The following ADGRB3 variants were observed in gnomAD, a reference collection of about 807,000 sequenced individuals.
The protein encoded by ADGRB3 is adhesion G protein-coupled receptor B3.
Under a neutral mutation model 193.4 loss-of-function variants are expected in ADGRB3, and 37 were observed. The ratio of observed to expected loss-of-function variants is 0.19; its 90% CI spans 0.15 to 0.25. ADGRB3 has a LOEUF of 0.25. ADGRB3 is among the 10% of genes least tolerant of loss of function. The pLI, the probability that ADGRB3 is intolerant of heterozygous loss-of-function variation, is 1.00. For missense variants in ADGRB3, 1,637 were observed against 1,852.9 expected, an observed-to-expected ratio of 0.88 and a Z score of 2.14; for synonymous variants, 690 against 644.2, an observed-to-expected ratio of 1.07 and a Z score of -1.08.
intron 8 of ADGRB3, among the ~76,000 whole-genome samples, chr6:68,972,501 TC>T (rs1768606649): frequency 6.6e-6 from 1 of 152,178 alleles, no homozygotes; most frequent in South Asian, 2.1e-4. Context: ...TCCTCTGGAT[TC>T]AATATGTAAT....
chr6:69,297,584 T>A (rs1170531849), intron 20 of ADGRB3, among the ~76,000 whole-genome samples: 1 of 151,910 alleles, frequency 6.6e-6, no homozygotes, highest in East Asian at 1.9e-4. Context: ...ATATTGGTTG[T>A]CAAAGGTCTT....
chr6:69,151,208 A>T (rs1774670151), intron 17 of ADGRB3, among the ~76,000 whole-genome samples: 1 of 152,104 alleles, frequency 6.6e-6, no homozygotes. Flanking sequence ...GTGACCTAGA[A>T]TGCCTTTCAA....
intron 3 of ADGRB3, among the ~76,000 whole-genome samples, chr6:68,794,525 C>A (rs1048247919): frequency 6.6e-6 from 1 of 152,032 alleles, no homozygotes; most frequent in Non-Finnish European, 1.5e-5. Context: ...ATATTATATA[C>A]CACTTTATAT....
intron 3 of ADGRB3, among the ~76,000 whole-genome samples, chr6:68,830,089 A>G (rs1242867598): frequency 6.6e-6 from 1 of 152,216 alleles, no homozygotes; most frequent in Non-Finnish European, 1.5e-5. Context: ...CACTTTCAAA[A>G]AAATAGTGGT....
intron 20 of ADGRB3, among the ~76,000 whole-genome samples, chr6:69,284,868 G>T (rs934616872): frequency 2.0e-5 from 3 of 151,590 alleles, no homozygotes; most frequent in African/African-American, 7.3e-5. Flanking sequence ...CAGAAAAACA[G>T]CAGGGAAGAT....
intron 3 of ADGRB3, among the ~76,000 whole-genome samples, chr6:68,876,812 G>A (rs1032979838): frequency 2.0e-5 from 3 of 151,890 alleles, no homozygotes; most frequent in Non-Finnish European, 4.4e-5. Context: ...TTTACAAACT[G>A]TTATGTATTT....
intron 3 of ADGRB3, among the ~76,000 whole-genome samples, chr6:68,879,570 A>G (rs1379824024): frequency 1.3e-5 from 2 of 149,796 alleles, no homozygotes; most frequent in African/African-American, 2.4e-5. Context: ...TTTTCCCCCA[A>G]CTGGTAGCAA....
chr6:68,902,630 AT>A (rs1443385271), intron 3 of ADGRB3, among the ~76,000 whole-genome samples: 2 of 152,124 alleles, frequency 1.3e-5, no homozygotes, highest in Admixed American at 6.5e-5. Flanking sequence ...GAAAAAGGCC[AT>A]AAAAAAGCCA....
intron 3 of ADGRB3, among the ~76,000 whole-genome samples, chr6:68,760,721 A>T (rs1766381397): frequency 6.6e-6 from 1 of 152,184 alleles, no homozygotes; most frequent in South Asian, 2.1e-4. Flanking sequence ...AGCTAGAGAA[A>T]ATCATGCCAT....
chr6:68,948,513 A>G (rs73747872), intron 6 of ADGRB3, among the ~76,000 whole-genome samples: 1 of 152,300 alleles, frequency 6.6e-6, no homozygotes, highest in African/African-American at 2.4e-5. Flanking sequence ...AAATTTATAT[A>G]ACCATTTCCA....
At chr6:69,123,889 G>A (rs1449563853) in intron 17 of ADGRB3, among the ~76,000 whole-genome samples, 11 of 152,116 alleles carry the variant, frequency 7.2e-5, no homozygotes, top group Admixed American at 7.2e-4. Context: ...ACCTTTATAA[G>A]GACTTAATTA....
At chr6:69,248,609 A>G (rs1766547671) in intron 20 of ADGRB3, among the ~76,000 whole-genome samples, 1 of 152,238 alleles carries the variant, frequency 6.6e-6, no homozygotes, top group South Asian at 2.1e-4. Context: ...AGGGCCATAT[A>G]GTAAATACTT....
intron 17 of ADGRB3, among the ~76,000 whole-genome samples, chr6:69,108,494 C>A (rs1323390081): frequency 1.3e-5 from 2 of 151,574 alleles, no homozygotes; most frequent in African/African-American, 2.4e-5. Flanking sequence ...TACTTAACTT[C>A]TTTCAGCTTG....
intron 20 of ADGRB3, among the ~76,000 whole-genome samples, chr6:69,320,843 G>A (rs888197615): frequency 2.6e-5 from 4 of 151,440 alleles, no homozygotes; most frequent in Non-Finnish European, 4.4e-5. Flanking sequence ...GTGTGTGTGT[G>A]TGTGTGTGTG....
chr6:69,314,639 A>G (rs748978771), intron 20 of ADGRB3, among the ~76,000 whole-genome samples: 11 of 151,602 alleles, frequency 7.3e-5, no homozygotes, highest in Non-Finnish European at 1.3e-4. Context: ...AAAATCCATC[A>G]TATCTTTTCT....
chr6:69,135,993 G>A (rs1046285110), intron 17 of ADGRB3, among the ~76,000 whole-genome samples: 12 of 151,946 alleles, frequency 7.9e-5, no homozygotes, highest in African/African-American at 1.4e-4. Context: ...GAAAATCTCA[G>A]GAACCAAAAT....
chr6:69,121,751 G>A (rs953663458), intron 17 of ADGRB3, among the ~76,000 whole-genome samples: 1 of 151,142 alleles, frequency 6.6e-6, no homozygotes. Flanking sequence ...GGGCAGCCAG[G>A]CGTAGGCGCT....
intron 3 of ADGRB3, among the ~76,000 whole-genome samples, chr6:68,697,190 G>T (rs1765172673): frequency 6.6e-6 from 1 of 151,874 alleles, no homozygotes; most frequent in African/African-American, 2.4e-5. Flanking sequence ...CATTATTTTT[G>T]CATTTTGTTG....
At chr6:68,769,819 C>CA (rs1766580892) in intron 3 of ADGRB3, among the ~76,000 whole-genome samples, 1 of 151,832 alleles carries the variant, frequency 6.6e-6, no homozygotes, top group Admixed American at 6.6e-5. Context: ...TAACTTTTTT[C>CA]AAAAAATAAT....
Sources: allele counts gnomAD v4.1 joint callset (sites outside exome capture counted in the v4.1 genomes callset), GRCh38; gene constraint gnomAD v4.1.1; transcripts MANE v1.5; gene names NCBI Gene and HGNC (gene_info 2026-07-23, HGNC 2026-07-21).